Variants in TUBB4A observed in about 807,000 individuals in gnomAD.
The protein encoded by TUBB4A is tubulin beta 4A class IVa.
A neutral mutation model predicts 35.1 loss-of-function variants in TUBB4A; 13 were observed. The ratio of observed to expected loss-of-function variants is 0.37; its 90% confidence interval spans 0.24 to 0.59. TUBB4A has a LOEUF of 0.59. Ranked by LOEUF, TUBB4A falls within the 20% of genes least tolerant of loss-of-function variation. TUBB4A has a pLI of 0.71. For synonymous variants in TUBB4A, 279 were observed against 272.4 expected (o/e 1.02, Z -0.24); for missense variants, 299 against 647.2 (o/e 0.46, Z 5.84).
chr19:6,496,515 T>C (rs1012906135), intron 3 of TUBB4A: 11 of 279,354 alleles, frequency 3.9e-5, no homozygotes, highest in Non-Finnish European at 6.2e-5. Flanking sequence ...CCTGTAGTCC[T>C]AGCTACTCGG....
chr19:6,502,125 A>AATG (rs1914562178), intron 1 of TUBB4A, 31 bp downstream of exon 1: 1 of 1,542,360 alleles, frequency 6.5e-7, no homozygotes, highest in African/African-American at 1.4e-5. Flanking sequence ...CGGGGCCGCC[A>AATG]CTGCCTCCCC....
chr19:6,498,202 CTT>C (rs1914353290), intron 3 of TUBB4A, among the ~76,000 whole-genome samples: 1 of 99,046 alleles, frequency 1.0e-5, no homozygotes, highest in Admixed American at 1.2e-4. Context: ...CAGAGTGAGA[CTT>C]TGTCTCAAAA....
chr19:6,495,860 G>A lies in TUBB4A; in HGVS notation c.639C>T (p.Arg213=), dbSNP rs781643888. The change falls in exon 4 of 4, where the codon CGC becomes CGT. Residue 213 remains arginine (R), a synonymous_variant. Coordinates refer to ENST00000264071, the MANE Select transcript of TUBB4A (RefSeq NM_006087.4). The surrounding 1 kb of genome is among the most constrained non-coding windows in gnomAD (Gnocchi z 8.7). ...DNEALYDICF[R]TLKLTTPTYG... Reference sequence around the variant, plus strand: ...AGGTGGGGGTGGTCAGCTTGAGGGTGCGGAAACAGATGTCGTAGAGTGCCT... The same window carrying A: ...AGGTGGGGGTGGTCAGCTTGAGGGTACGGAAACAGATGTCGTAGAGTGCCT... 8 of 1,614,212 alleles carry A rather than the reference G, an allele frequency of 5.0e-6. No individual in the cohort carries two copies. Among genetic ancestry groups the A allele is most frequent in the East Asian group, 2.2e-5 (1 of 44,884 alleles).
rs772090741 is a variant in TUBB4A, at chr19:6,496,130, C to T, written c.369G>A (p.Glu123=). The T allele has an allele frequency of 2.5e-6, 4 of 1,614,110 alleles. No individual in the cohort carries two copies. In the East Asian group the frequency reaches 8.9e-5, roughly 36 times the overall value. ...CCTGAAGGCAGTCGCAGCTCTCGGC[C>T]TCCTTCCGGACTACGTCCAGGACAG... ...VDAVLDVVRK[E]AESCDCLQGF... Residue 123 remains glutamate (E), a synonymous_variant, in exon 4 of 4, where the codon GAG becomes GAA. Coordinates refer to ENST00000264071, the MANE Select transcript of TUBB4A (RefSeq NM_006087.4).
intron 3 of TUBB4A, among the ~76,000 whole-genome samples, chr19:6,497,024 AAT>A (rs1192524805): frequency 0.017 from 384 of 21,982 alleles, 5 homozygotes; most frequent in Admixed American, 0.024. Context: ...AAAAAAAAAA[AAT>A]ATATATATAT....
chr19:6,497,024 A>AAAAATAT (rs1568410509), intron 3 of TUBB4A, among the ~76,000 whole-genome samples: 1 of 22,004 alleles, frequency 4.5e-5, no homozygotes, highest in Non-Finnish European at 7.4e-5. Context: ...AAAAAAAAAA[A>AAAAATAT]ATATATATAT....
intron 3 of TUBB4A, chr19:6,500,745 GAAA>G (rs113460662): frequency 3.2e-5 from 4 of 126,278 alleles, no homozygotes; most frequent in Admixed American, 8.4e-5. Context: ...GACCCTGTCT[GAAA>G]AAAAAAAAAA....
chr19:6,496,142 T>C lies in TUBB4A; in HGVS notation c.357A>G (p.Val119=), dbSNP rs1156729360. ...CGCAGCTCTCGGCCTCCTTCCGGAC[T>C]ACGTCCAGGACAGCGTCCACCAGCT... ...GAELVDAVLD[V]VRKEAESCDC... Residue 119 remains valine, a synonymous_variant, in exon 4 of 4, where the codon GTA becomes GTG. Transcript: ENST00000264071. 16 of 1,614,172 alleles carry C rather than the reference T, an allele frequency of 9.9e-6. No homozygotes were observed. The highest frequency in any genetic ancestry group is 1.4e-5 in the Non-Finnish European group (16 of 1,180,024).
rs774981462 is a variant in TUBB4A, at chr19:6,501,330, A to G, written c.234T>C (p.Ser78=). 2.2e-5 allele frequency: 35 copies of G among 1,614,074 alleles called. No homozygotes were observed. Among genetic ancestry groups the G allele is most frequent in the Non-Finnish European group, 3.0e-5 (35 of 1,180,012 alleles). ...LEPGTMDSVR[S]GPFGQIFRPD... ...GCCGAAAGATCTGACCGAAGGGGCC[A>G]GAACGGACAGAGTCCATGGTGCCGG... Residue 78 remains serine, a synonymous_variant, in exon 3 of 4, where the codon TCT becomes TCC. Coordinates refer to ENST00000264071, the MANE Select transcript of TUBB4A (RefSeq NM_006087.4). The surrounding 1 kb of genome is among the most constrained non-coding windows in gnomAD (Gnocchi z 4.2).
chr19:6,500,066 C>CA (rs1479497236), intron 3 of TUBB4A, among the ~76,000 whole-genome samples: 1 of 152,058 alleles, frequency 6.6e-6, no homozygotes, highest in Non-Finnish European at 1.5e-5. Flanking sequence ...GCTGGGATTA[C>CA]AGGTGTGAGC....
Position 6,495,592 on chromosome 19 carries a change from A to G in TUBB4A, c.907T>C (p.Cys303Arg). 2.5e-6 allele frequency: 4 copies of G among 1,613,976 alleles called. No homozygotes were observed. Among genetic ancestry groups the G allele is most frequent in the Non-Finnish European group, 3.4e-6 (4 of 1,179,916 alleles). ...MFDAKNMMAACDPRHGRYLTV... is the reference protein window; with the variant it reads ...MFDAKNMMAARDPRHGRYLTV... Reference sequence around the variant, plus strand: ...AGGTAGCGGCCGTGGCGCGGGTCGCACGCCGCCATCATGTTCTTGGCATCG... The same window carrying G: ...AGGTAGCGGCCGTGGCGCGGGTCGCGCGCCGCCATCATGTTCTTGGCATCG... The change falls in exon 4 of 4, where the codon TGC (cysteine) becomes CGC (arginine). Residue 303 changes from cysteine to arginine, a missense_variant. By Grantham distance (180) the Cys-to-Arg change is radical. This residue lies in a region of TUBB4A where 125 missense variants were observed against 279.1 expected (regional missense o/e 0.45). Transcript: ENST00000264071. This position sits in a 1 kb window ranked among gnomAD's most constrained non-coding sequence, Gnocchi z 8.7.
Position 6,501,677 on chromosome 19 carries a change from C to G in TUBB4A, c.58-54G>C. 3 of 1,498,832 alleles carry G rather than the reference C, an allele frequency of 2.0e-6. No individual in the cohort carries two copies. Among genetic ancestry groups the G allele is most frequent in the African/African-American group, 1.4e-5 (1 of 72,714 alleles). 92.8% of individuals were successfully genotyped at this position (1,498,832 alleles called of 1,614,324 possible). A position where few individuals can be genotyped will look rare whatever the true frequency, so the allele number is the denominator to read the frequency against. On this transcript the variant is annotated intron_variant, in intron 1 of 3. Coordinates refer to ENST00000264071, the MANE Select transcript of TUBB4A (RefSeq NM_006087.4). This position sits in a 1 kb window ranked among gnomAD's most constrained non-coding sequence, Gnocchi z 4.2. ...AGAGAGGGGAAGCCGGTGGCCAAGC[C>G]GAGGACTGCCCCCAGCCCCCAACTA... is the stretch of plus-strand genomic sequence containing the variant.
At position 6,496,165 on chromosome 19, in the gene TUBB4A, G is replaced by A; in HGVS notation, c.334C>T (p.Leu112=). Residue 112 remains leucine, a synonymous_variant, in exon 4 of 4, where the codon CTG becomes TTG. Transcript: ENST00000264071. ...AKGHYTEGAE[L]VDAVLDVVRK... ...ACTACGTCCAGGACAGCGTCCACCA[G>A]CTCTGCGCCCTCCGTGTAGTGCCCC... 1.9e-6 allele frequency: 3 copies of A among 1,614,174 alleles called. No individual in the cohort carries two copies. The South Asian group carries it at 3.3e-5, about 18-fold the overall frequency.
chr19:6,495,347 C>G lies in TUBB4A; in HGVS notation c.1152G>C (p.Gln384His). 1 of 1,613,806 alleles carries G rather than the reference C, an allele frequency of 6.2e-7. No homozygotes were observed. Among genetic ancestry groups the G allele is most frequent in the Non-Finnish European group, 8.5e-7 (1 of 1,179,960 alleles). Residue 384 changes from glutamine (Q) to histidine (H), a missense_variant, in exon 4 of 4, where the codon CAG becomes CAC. By Grantham distance (24) the Gln-to-His change is conservative (BLOSUM62 0). Transcript: ENST00000264071. This position sits in a 1 kb window ranked among gnomAD's most constrained non-coding sequence, Gnocchi z 8.7. The stretch of plus-strand genomic sequence containing the variant: ...CCTTGCGCCGGAACATGGCCGTGAA[C>G]TGCTCGGAGATGCGCTTGAACAGCT... Reference protein sequence around the residue: ...IQELFKRISEQFTAMFRRKAF... With the variant: ...IQELFKRISEHFTAMFRRKAF...
chr19:6,502,255 G>A lies in TUBB4A; in HGVS notation c.-43C>T, dbSNP rs1267007412. 2 of 1,480,628 alleles carry A rather than the reference G, an allele frequency of 1.4e-6. No individual in the cohort carries two copies. Among genetic ancestry groups the A allele is most frequent in the East Asian group, 2.8e-5 (1 of 36,070 alleles). The allele number at this position is 1,480,628 out of a possible 1,614,324, so 91.7% of individuals were successfully genotyped here. A position where few individuals can be genotyped will look rare whatever the true frequency, so the allele number is the denominator to read the frequency against. ...TGGACGCGGCGGCGGTGGCACGAGC[G>A]CGGGGAGCTGCGGCGGCGGCGAGGG... is the stretch of plus-strand genomic sequence containing the variant. On this transcript the variant is annotated 5_prime_UTR_variant, in exon 1 of 4. Coordinates refer to ENST00000264071, the MANE Select transcript of TUBB4A (RefSeq NM_006087.4).
At chr19:6,496,426 G>C in intron 3 of TUBB4A, 2 of 527,340 alleles carry the variant, frequency 3.8e-6, no homozygotes, top group South Asian at 4.5e-5. Context: ...TCAGGAGATC[G>C]AGACCATCCT....
At chr19:6,497,056 T>A (rs1423405930) in intron 3 of TUBB4A, among the ~76,000 whole-genome samples, 59 of 70,272 alleles carry the variant, frequency 8.4e-4, no homozygotes, top group Non-Finnish European at 1.2e-3. Flanking sequence ...TATATATATA[T>A]ATATATATAA....
intron 1 of TUBB4A, 65 bp downstream of exon 1, chr19:6,502,091 G>C: frequency 1.3e-6 from 2 of 1,489,074 alleles, no homozygotes; most frequent in Admixed American, 2.2e-5. Context: ...GGGGTGCTCC[G>C]GGGACCGACC....
chr19:6,501,048 G>A lies in TUBB4A; in HGVS notation c.277+239C>T, dbSNP rs1427835384. 1 of 511,692 alleles carries A rather than the reference G, an allele frequency of 2.0e-6. No individual in the cohort carries two copies. Among genetic ancestry groups the A allele is most frequent in the Non-Finnish European group, 3.5e-6 (1 of 288,334 alleles). 31.7% of individuals were successfully genotyped at this position (511,692 alleles called of 1,614,324 possible). Reference sequence around the variant, plus strand: ...CAGTCTGGTTCCGGTTCAGACCGTTGAATTAAAATGCCACCTCCTCCAGGA... The same window carrying A: ...CAGTCTGGTTCCGGTTCAGACCGTTAAATTAAAATGCCACCTCCTCCAGGA... On this transcript the variant is annotated intron_variant, in intron 3 of 3. Transcript: ENST00000264071. The surrounding 1 kb of genome is among the most constrained non-coding windows in gnomAD (Gnocchi z 4.2).
Sources: allele counts gnomAD v4.1 joint callset (sites outside exome capture counted in the v4.1 genomes callset), GRCh38; gene constraint gnomAD v4.1.1; regional missense constraint gnomAD v4.1.1; non-coding constraint Gnocchi (gnomAD v3.1); transcripts MANE v1.5; gene names NCBI Gene and HGNC (gene_info 2026-07-23, HGNC 2026-07-21).